MUC17: variants seen among roughly 807,000 people sequenced by gnomAD.
The protein encoded by MUC17 is mucin 17, cell surface associated, also known as mucin-17.
A neutral mutation model predicts 170.3 loss-of-function variants in MUC17; 190 were observed. That is an observed-to-expected ratio of 1.12 (90% confidence interval 0.99 to 1.26). The LOEUF (loss-of-function observed/expected upper bound fraction) is 1.26. MUC17 is among the 50% of genes most tolerant of loss of function. MUC17 has a pLI of 0.00. For missense variants in MUC17, 6,415 were observed against 5,530.0 expected, an observed-to-expected ratio of 1.16 and a Z score of -5.08; for synonymous variants, 2,325 against 2,002.5, an observed-to-expected ratio of 1.16 and a Z score of -4.30.
chr7:101,031,624 G>C lies in MUC17; in HGVS notation c.208G>C (p.Gly70Arg). Residue 70 changes from glycine to arginine, a missense_variant, in exon 3 of 13, where the codon GGT (glycine) becomes CGT (arginine). Transcript: ENST00000306151. ...AGGTTCTGCGGCAAACACCGCCACA[G>C]GTACAACATCTACAAATGTCGTGGA... ...RTGSAANTAT[G>R]TTSTNVVEPR... 1 of 1,542,620 alleles carries C rather than the reference G, an allele frequency of 6.5e-7. No homozygotes were observed. The highest frequency in any genetic ancestry group is 8.7e-7 in the Non-Finnish European group (1 of 1,146,626).
At position 101,038,653 on chromosome 7, in the gene MUC17, G is replaced by A; in HGVS notation, c.7237G>A (p.Glu2413Lys). ...PVSTMPVVSS[E>K]ASTHSTTPVD... ...CAGCACCATGCCGGTGGTCAGTTCTGAGGCTAGCACCCATTCCACAACTCC... is the reference window on the plus strand; with the variant it reads ...CAGCACCATGCCGGTGGTCAGTTCTAAGGCTAGCACCCATTCCACAACTCC... The change falls in exon 3 of 13, where the codon GAG (glutamate) becomes AAG (lysine). Residue 2413 changes from glutamate to lysine, a missense_variant. Glu to Lys is a moderately conservative substitution (Grantham distance 56). Coordinates refer to ENST00000306151, the MANE Select transcript of MUC17 (RefSeq NM_001040105.2). 1.2e-6 allele frequency: 2 copies of A among 1,613,908 alleles called. No individual in the cohort carries two copies. The highest frequency in any genetic ancestry group is 8.5e-7 in the Non-Finnish European group (1 of 1,179,998).
At position 101,058,726 on chromosome 7, in the gene MUC17, T is replaced by C. The variant is rs1795096693; in HGVS notation, c.*682T>C. ...AACACCTGTATTTAAATATAGAGCA[T>C]TTACCTTTTGGTATATAAGATTGTG... On this transcript the variant is annotated 3_prime_UTR_variant, in exon 13 of 13. Transcript: ENST00000306151. The C allele has an allele frequency of 2.0e-5, 3 of 152,218 alleles. No individual in the cohort carries two copies. The South Asian group carries it at 6.2e-4, about 32-fold the overall frequency. 9.4% of individuals were successfully genotyped at this position (152,218 alleles called of 1,614,324 possible).
At position 101,036,523 on chromosome 7, in the gene MUC17, G is replaced by A. The variant is rs771294223; in HGVS notation, c.5107G>A (p.Ala1703Thr). The A allele has an allele frequency of 4.3e-6, 7 of 1,610,286 alleles. No homozygotes were observed. In the African/African-American group the frequency reaches 9.4e-5, roughly 22 times the overall value. The change falls in exon 3 of 13, where the codon GCC (alanine) becomes ACC (threonine). Residue 1703 changes from alanine (A) to threonine (T), a missense_variant. By Grantham distance (58) the Ala-to-Thr change is moderately conservative. Coordinates refer to ENST00000306151, the MANE Select transcript of MUC17 (RefSeq NM_001040105.2). ...TATAACTGTCAGAACAACACCGGTG[G>A]CCAGCTCTGCAATCAGCACCCTTTC... Reference protein sequence around the residue: ...TSITVRTTPVASSAISTLSTT... With the variant: ...TSITVRTTPVTSSAISTLSTT...
rs139517964 is a variant in MUC17 at position 101,036,780 on chromosome 7, G to A, written c.5364G>A (p.Ser1788=). ...TPVTTSTEAT[S]SPTTAEGTSI... ...TGACCACTTCTACTGAAGCCACTTCGTCTCCTACAACTGCTGAAGGTACCA... is the reference window on the plus strand; with the variant it reads ...TGACCACTTCTACTGAAGCCACTTCATCTCCTACAACTGCTGAAGGTACCA... Residue 1788 remains serine (S), a synonymous_variant, in exon 3 of 13, where the codon TCG becomes TCA. Coordinates refer to ENST00000306151, the MANE Select transcript of MUC17 (RefSeq NM_001040105.2). The A allele has an allele frequency of 2.0e-3, 3,248 of 1,605,524 alleles. 39 individuals are homozygous for A. The African/African-American group carries it at 0.027, about 13-fold the overall frequency.
At position 101,039,017 on chromosome 7, in the gene MUC17, C is replaced by T. The variant is rs754118988; in HGVS notation, c.7601C>T (p.Thr2534Ile). The T allele has an allele frequency of 1.9e-6, 3 of 1,614,022 alleles. No homozygotes were observed. Among genetic ancestry groups the T allele is most frequent in the South Asian group, 1.1e-5 (1 of 91,048 alleles). ...CCAGTGGCCAGTCCTGAGGCTAGCA[C>T]CCTTTCAACAACTCCTGTTGACTCC... ...TTPVASPEAS[T>I]LSTTPVDSNS... Residue 2534 changes from threonine (T) to isoleucine (I), a missense_variant, in exon 3 of 13, where the codon ACC becomes ATC. By Grantham distance (89) the Thr-to-Ile change is moderately conservative (BLOSUM62 -1). Transcript: ENST00000306151.
Position 101,037,007 on chromosome 7 carries a change from A to G in MUC17, c.5591A>G (p.Glu1864Gly), listed in dbSNP as rs1794506732. 6.3e-7 allele frequency: 1 copy of G among 1,584,046 alleles called. No homozygotes were observed. The highest frequency in any genetic ancestry group is 8.5e-7 in the Non-Finnish European group (1 of 1,179,044). Residue 1864 changes from glutamate to glycine, a missense_variant, in exon 3 of 13, where the codon GAA (glutamate) becomes GGA (glycine). By Grantham distance (98) the Glu-to-Gly change is moderately conservative (BLOSUM62 -2). Coordinates refer to ENST00000306151, the MANE Select transcript of MUC17 (RefSeq NM_001040105.2). ...GTSIATSTPS[E>G]GSTALTSIPV... The stretch of plus-strand genomic sequence containing the variant: ...AGCATAGCAACCTCAACGCCTAGTG[A>G]AGGAAGCACTGCATTAACAAGTATA...
In MUC17 at chr7:101,028,297, G is replaced by GC. The variant is rs1794217459; in HGVS notation, c.83-2821dup. Among the ~76,000 whole-genome samples the GC allele has an allele frequency of 2.7e-5, 4 of 149,222 alleles. No individual in the cohort carries two copies. The East Asian group carries it at 8.1e-4, about 30-fold the overall frequency. ...GTAGAGACAGGGTTTCACTATATTTGCCAGGCTGGTCTCGAACTCCTGACC... is the reference window on the plus strand; with the variant it reads ...GTAGAGACAGGGTTTCACTATATTTGCCCAGGCTGGTCTCGAACTCCTGACC... On this transcript the variant is annotated intron_variant, in intron 1 of 12. Coordinates refer to ENST00000306151, the MANE Select transcript of MUC17 (RefSeq NM_001040105.2).
intron 1 of MUC17, among the ~76,000 whole-genome samples, chr7:101,026,414 C>G (rs745309754): frequency 1.3e-5 from 2 of 152,218 alleles, no homozygotes; most frequent in Non-Finnish European, 2.9e-5. Flanking sequence ...CTGGCACACT[C>G]TGTCTTAGGT....
In MUC17 at chr7:101,048,116, G is replaced by A. The variant is rs758740042; in HGVS notation, c.12535+1G>A. The stretch of plus-strand genomic sequence containing the variant: ...GAGGTGGTCAGCAGCATTGACATAG[G>A]TGAGTGCAACCCCAGGCCTTCCCCC... On this transcript the variant is annotated splice_donor_variant, in intron 4 of 12. Coordinates refer to ENST00000306151, the MANE Select transcript of MUC17 (RefSeq NM_001040105.2). LOFTEE classifies it high-confidence loss of function. The A allele has an allele frequency of 5.0e-6, 8 of 1,588,794 alleles. No homozygotes were observed. Among genetic ancestry groups the A allele is most frequent in the South Asian group, 4.6e-5 (4 of 87,354 alleles).
intron 1 of MUC17, among the ~76,000 whole-genome samples, chr7:101,023,149 T>C (rs563562561): frequency 7.9e-5 from 12 of 152,138 alleles, no homozygotes; most frequent in African/African-American, 2.9e-4. Flanking sequence ...GGTAGACGCT[T>C]TGCCTCCATC....
intron 1 of MUC17, among the ~76,000 whole-genome samples, chr7:101,028,426 A>G (rs538897294): frequency 6.4e-4 from 97 of 151,820 alleles, no homozygotes; most frequent in Non-Finnish European, 9.0e-4. Flanking sequence ...GATAGTTTCT[A>G]TTGCCATCCC....
intron 1 of MUC17, among the ~76,000 whole-genome samples, chr7:101,024,721 C>T (rs1012317138): frequency 6.6e-6 from 1 of 150,724 alleles, no homozygotes; most frequent in African/African-American, 2.5e-5. Context: ...CAAACCTCCT[C>T]CCTGCTCTGT....
intron 1 of MUC17, among the ~76,000 whole-genome samples, chr7:101,028,418 T>C (rs913778540): frequency 4.6e-5 from 7 of 152,084 alleles, no homozygotes; most frequent in Non-Finnish European, 7.4e-5. Context: ...TCAGTGTGGA[T>C]AGTTTCTATT....
Position 101,039,047 on chromosome 7 carries a change from G to T in MUC17, c.7631G>T (p.Ser2544Ile), listed in dbSNP as rs780642546. ...TLSTTPVDSN[S>I]PVVTSTEISS... ...TCAACAACTCCTGTTGACTCCAACA[G>T]TCCTGTGGTCACTTCTACTGAAATC... The change falls in exon 3 of 13, where the codon AGT becomes ATT. Residue 2544 changes from serine to isoleucine, a missense_variant. Physicochemically the swap from Ser to Ile is moderately radical, Grantham distance 142. Transcript: ENST00000306151. 2.5e-6 allele frequency: 4 copies of T among 1,606,584 alleles called. No homozygotes were observed. In the South Asian group the frequency reaches 4.4e-5, roughly 18 times the overall value.
rs781026226 is a variant in MUC17, at chr7:101,035,806, A to C, written c.4390A>C (p.Asn1464His). ...KTPLKSIPVS[N>H]TPVANSEAST... ...TCCATTAAAAAGTATACCTGTCAGC[A>C]ACACGCCGGTGGCCAATTCTGAGGC... The change falls in exon 3 of 13, where the codon AAC becomes CAC. Residue 1464 changes from asparagine to histidine, a missense_variant. Asn to His is a moderately conservative substitution (Grantham distance 68, BLOSUM62 1). Coordinates refer to ENST00000306151, the MANE Select transcript of MUC17 (RefSeq NM_001040105.2). The C allele has an allele frequency of 2.5e-6, 4 of 1,604,220 alleles. No individual in the cohort carries two copies. The highest frequency in any genetic ancestry group is 2.7e-5 in the African/African-American group (2 of 74,648).
rs1293317458 is a variant in MUC17, at chr7:101,037,759, G to A, written c.6343G>A (p.Ala2115Thr). ...TSIPLSTTPV[A>T]SPEASTLSTT... Reference sequence around the variant, plus strand: ...TATACCTCTCAGCACCACGCCGGTGGCCAGTCCTGAGGCTAGCACCCTTTC... The same window carrying A: ...TATACCTCTCAGCACCACGCCGGTGACCAGTCCTGAGGCTAGCACCCTTTC... Residue 2115 changes from alanine to threonine, a missense_variant, in exon 3 of 13, where the codon GCC (alanine) becomes ACC (threonine). Coordinates refer to ENST00000306151, the MANE Select transcript of MUC17 (RefSeq NM_001040105.2). 4 of 1,613,674 alleles carry A rather than the reference G, an allele frequency of 2.5e-6. No individual in the cohort carries two copies. The highest frequency in any genetic ancestry group is 2.5e-6 in the Non-Finnish European group (3 of 1,179,750).
At chr7:101,047,075 C>T (rs1015145932) in intron 3 of MUC17, among the ~76,000 whole-genome samples, 5 of 129,926 alleles carry the variant, frequency 3.8e-5, no homozygotes, top group Non-Finnish European at 6.6e-5. Context: ...AGCAAGACTC[C>T]GTCTCAAAAA....
At chr7:101,026,304 G>A (rs538720134) in intron 1 of MUC17, among the ~76,000 whole-genome samples, 56 of 152,344 alleles carry the variant, frequency 3.7e-4, no homozygotes, top group African/African-American at 1.3e-3. Context: ...AAGTCCTGCT[G>A]TGGGCCTGGG....
Position 101,034,924 on chromosome 7 carries a change from A to G in MUC17, c.3508A>G (p.Thr1170Ala). The stretch of plus-strand genomic sequence containing the variant: ...GTTAGCAAGTATGCCTGTCAGCACC[A>G]CGCTGGTGGTCAGTTCTGAGGCTAA... ...TPLASMPVSTTLVVSSEANTL... is the reference protein window; with the variant it reads ...TPLASMPVSTALVVSSEANTL... Residue 1170 changes from threonine to alanine, a missense_variant, in exon 3 of 13, where the codon ACG becomes GCG. Transcript: ENST00000306151. 6.2e-7 allele frequency: 1 copy of G among 1,613,492 alleles called. No individual in the cohort carries two copies. Among genetic ancestry groups the G allele is most frequent in the Non-Finnish European group, 8.5e-7 (1 of 1,179,972 alleles).
Sources: allele counts gnomAD v4.1 joint callset (sites outside exome capture counted in the v4.1 genomes callset), GRCh38; gene constraint gnomAD v4.1.1; transcripts MANE v1.5; gene names NCBI Gene and HGNC (gene_info 2026-07-23, HGNC 2026-07-21).